VTI1A: variants seen among roughly 807,000 people sequenced by gnomAD.
VTI1A encodes vesicle transport through interaction with t-SNAREs 1A, also known as vesicle transport through interaction with t-SNAREs homolog 1A.
In VTI1A, 22 loss-of-function variants were observed where a neutral mutation model predicts 34.9. The observed-to-expected ratio is 0.63, with a 90% CI of 0.45 to 0.90. VTI1A has a LOEUF of 0.90. Ranked by LOEUF, VTI1A falls within the 40% of genes least tolerant of loss-of-function variation. The pLI is 0.00. For missense variants in VTI1A, 268 were observed against 275.6 expected (o/e 0.97, Z 0.20); for synonymous variants, 87 against 97.3 (o/e 0.89, Z 0.62).
chr10:112,821,669 C>G (rs1345270683), downstream of VTI1A, among the ~76,000 whole-genome samples: 1 of 152,184 alleles, frequency 6.6e-6, no homozygotes, highest in Non-Finnish European at 1.5e-5. Flanking sequence ...CGTTACTCTC[C>G]CCTGTCTCAT....
intron 4 of VTI1A, among the ~76,000 whole-genome samples, chr10:112,532,020 A>G (rs1322985800): frequency 1.8e-4 from 27 of 152,300 alleles, no homozygotes; most frequent in Non-Finnish European, 7.4e-5. Flanking sequence ...TGAAACGATG[A>G]TAATAAAGGT....
At chr10:112,744,068 G>C (rs1850796611) in intron 7 of VTI1A, among the ~76,000 whole-genome samples, 1 of 152,120 alleles carries the variant, frequency 6.6e-6, no homozygotes, top group Admixed American at 6.5e-5. Context: ...TAATATTCCA[G>C]ATATTTGAAC....
At chr10:112,521,050 C>T (rs1413175075) in intron 3 of VTI1A, among the ~76,000 whole-genome samples, 1 of 151,922 alleles carries the variant, frequency 6.6e-6, no homozygotes. Context: ...ATGATAGACA[C>T]AAAGTGTGCT....
At chr10:112,820,798 G>A (rs1250613598), downstream of VTI1A, among the ~76,000 whole-genome samples, 1 of 152,206 alleles carries the variant, frequency 6.6e-6, no homozygotes, top group African/African-American at 2.4e-5. Flanking sequence ...CCAGAGGCGA[G>A]CAGGGCAAAA....
chr10:112,473,373 G>A (rs1210487199), intron 3 of VTI1A, among the ~76,000 whole-genome samples: 1 of 152,022 alleles, frequency 6.6e-6, no homozygotes, highest in Non-Finnish European at 1.5e-5. Context: ...GCCTCCCAAA[G>A]TGCTAGGATT....
At chr10:112,530,516 C>G (rs371576146) in intron 4 of VTI1A, among the ~76,000 whole-genome samples, 18 of 152,228 alleles carry the variant, frequency 1.2e-4, no homozygotes, top group African/African-American at 4.1e-4. Context: ...CTGTTCCAAG[C>G]TTTGATTTTG....
chr10:112,717,873 A>T (rs539693400), intron 7 of VTI1A, among the ~76,000 whole-genome samples: 2 of 152,288 alleles, frequency 1.3e-5, no homozygotes, highest in Non-Finnish European at 2.9e-5. Context: ...TGGAAAATAC[A>T]ATCTGTCACA....
In VTI1A at chr10:112,596,747, T is replaced by C. The variant is rs1589953857; in HGVS notation, c.427+58417T>C. 3.3e-5 allele frequency among the ~76,000 whole-genome samples: 5 copies of C among 152,340 alleles called. No individual in the cohort carries two copies. In the South Asian group the frequency reaches 1.0e-3, roughly 32 times the overall value. ...TGTCACGAGTAAGGCTGATAATTTC[T>C]CTTACATTGCTTAACTGTAATTCTT... is the stretch of plus-strand genomic sequence containing the variant. On this transcript the variant is annotated intron_variant, in intron 5 of 7. Coordinates refer to ENST00000393077, the MANE Select transcript of VTI1A (RefSeq NM_145206.4).
At chr10:112,838,485 C>T in the VTI1A span, among the ~76,000 whole-genome samples, 2 of 150,060 alleles carry the variant, frequency 1.3e-5, no homozygotes, top group East Asian at 2.0e-4. Context: ...GATCCTGTAT[C>T]AGATTTTTTC....
chr10:112,807,396 C>A lies in VTI1A; in HGVS notation c.561-7894C>A, dbSNP rs200002117. 7.9e-5 allele frequency among the ~76,000 whole-genome samples: 12 copies of A among 151,848 alleles called. No individual in the cohort carries two copies. In the East Asian group the frequency reaches 2.3e-3, roughly 29 times the overall value. ...TCTCCAAAAGTGTAAGGGAAGAATT[C>A]TTCTTTGCCTCTTGCAGCTTCTGGT... On this transcript the variant is annotated intron_variant, in intron 7 of 7. Coordinates refer to ENST00000393077, the MANE Select transcript of VTI1A (RefSeq NM_145206.4).
intron 5 of VTI1A, among the ~76,000 whole-genome samples, chr10:112,650,460 C>T (rs1183112021): frequency 8.8e-5 from 2 of 22,774 alleles, no homozygotes; most frequent in Non-Finnish European, 2.2e-3. Flanking sequence ...CTACTCTTCA[C>T]ATTTTTTTTT....
chr10:112,486,251 T>C (rs1191321462), intron 3 of VTI1A, among the ~76,000 whole-genome samples: 1 of 152,220 alleles, frequency 6.6e-6, no homozygotes, highest in Non-Finnish European at 1.5e-5. Flanking sequence ...TTAGAAGGCC[T>C]GGATTTAAAT....
At chr10:112,695,965 T>C (rs917246573) in intron 7 of VTI1A, among the ~76,000 whole-genome samples, 4 of 152,178 alleles carry the variant, frequency 2.6e-5, no homozygotes, top group Non-Finnish European at 5.9e-5. Context: ...CTTATTACTC[T>C]ACAGAACATT....
At chr10:112,723,719 A>G (rs1163804026) in intron 7 of VTI1A, among the ~76,000 whole-genome samples, 1 of 152,232 alleles carries the variant, frequency 6.6e-6, no homozygotes, top group African/African-American at 2.4e-5. Flanking sequence ...AATATGTGGG[A>G]TAGCCTCAGA....
chr10:112,528,014 T>C (rs899341936), intron 4 of VTI1A, among the ~76,000 whole-genome samples: 2 of 152,096 alleles, frequency 1.3e-5, no homozygotes, highest in African/African-American at 4.8e-5. Context: ...TGATTTTCTT[T>C]GACACTTTTA....
chr10:112,555,102 T>C (rs1162473579), intron 5 of VTI1A, among the ~76,000 whole-genome samples: 1 of 152,112 alleles, frequency 6.6e-6, no homozygotes, highest in Non-Finnish European at 1.5e-5. Flanking sequence ...AATAATGAGA[T>C]TATAGATTTT....
intron 7 of VTI1A, among the ~76,000 whole-genome samples, chr10:112,686,398 C>T (rs879939339): frequency 9.2e-5 from 14 of 152,164 alleles, no homozygotes; most frequent in South Asian, 6.2e-4. Flanking sequence ...TGGAGAGGCA[C>T]CATTGTAAAC....
chr10:112,645,262 T>C lies in VTI1A; in HGVS notation c.428-22956T>C, dbSNP rs1846730371. On this transcript the variant is annotated intron_variant, in intron 5 of 7. Transcript: ENST00000393077. ...CCCCAGAATTCAATAAGATCATAAG[T>C]GAAATGTAAGGAAAAGTACACTCCT... Among the ~76,000 whole-genome samples the C allele has an allele frequency of 3.9e-5, 6 of 152,200 alleles. No homozygotes were observed. In the South Asian group the frequency reaches 1.2e-3, roughly 31 times the overall value.
At chr10:112,633,744 C>G (rs1846232555) in intron 5 of VTI1A, among the ~76,000 whole-genome samples, 2 of 152,118 alleles carry the variant, frequency 1.3e-5, no homozygotes, top group Non-Finnish European at 2.9e-5. Flanking sequence ...CCTATTTCAT[C>G]CTTGTTGGTG....
Sources: allele counts gnomAD v4.1 joint callset (sites outside exome capture counted in the v4.1 genomes callset), GRCh38; gene constraint gnomAD v4.1.1; transcripts MANE v1.5; gene names NCBI Gene and HGNC (gene_info 2026-07-23, HGNC 2026-07-21).